Variants in DRAM2 observed in about 807,000 individuals in gnomAD.
The protein encoded by DRAM2 is DNA damage-regulated autophagy modulator protein 2.
DRAM2 carries 26 observed loss-of-function variants against 33.5 expected under a neutral mutation model. The observed-to-expected ratio is 0.78, with a 90% confidence interval of 0.57 to 1.08. DRAM2 has a LOEUF of 1.08. Among genes scored for constraint, DRAM2 ranks in the 50% least tolerant of loss-of-function variants. The probability of loss-of-function intolerance (pLI) is 0.00; values close to 1 mark genes in which losing one functional copy is unlikely to be tolerated. For missense variants in DRAM2, 311 were observed against 318.1 expected (o/e 0.98, Z 0.17); for synonymous variants, 98 against 109.5 (o/e 0.89, Z 0.66).
intron 4 of DRAM2, among the ~76,000 whole-genome samples, chr1:111,127,232 G>C (rs1457657648): frequency 6.6e-6 from 1 of 152,050 alleles, no homozygotes; most frequent in African/African-American, 2.4e-5. Context: ...CTACTACAAA[G>C]ATTAAAAAGA....
At chr1:111,130,436 T>C (rs1409405242) in intron 4 of DRAM2, among the ~76,000 whole-genome samples, 1 of 152,232 alleles carries the variant, frequency 6.6e-6, no homozygotes, top group Non-Finnish European at 1.5e-5. Context: ...CTGGGCACAG[T>C]GGCTCACGCC....
chr1:111,126,354 T>G (rs573251098), intron 4 of DRAM2, 60 bp from the exon 5 acceptor site: 1 of 976,358 alleles, frequency 1.0e-6, no homozygotes, highest in African/African-American at 1.6e-5. Flanking sequence ...ATATATTTCT[T>G]CTAAGGGATA....
At chr1:111,124,008 A>G (rs2101038020) in intron 6 of DRAM2, among the ~76,000 whole-genome samples, 1 of 152,302 alleles carries the variant, frequency 6.6e-6, no homozygotes, top group African/African-American at 2.4e-5. Flanking sequence ...ATTCTTTTAT[A>G]GCACACAAAA....
chr1:111,126,402 T>C (rs949717146), intron 4 of DRAM2, 108 bp from the exon 5 acceptor site: 7 of 651,966 alleles, frequency 1.1e-5, no homozygotes, highest in South Asian at 2.1e-5. Flanking sequence ...TTATCTTTTA[T>C]AAATCCATGA....
chr1:111,130,048 G>T (rs903926167), intron 4 of DRAM2, among the ~76,000 whole-genome samples: 1 of 134,736 alleles, frequency 7.4e-6, no homozygotes, highest in African/African-American at 2.6e-5. Context: ...AAAAAAAGAG[G>T]GTTATTATAG....
At position 111,118,089 on chromosome 1, in the gene DRAM2, T is replaced by G; in HGVS notation, c.*71A>C. 7.0e-7 allele frequency: 1 copy of G among 1,437,690 alleles called. No individual in the cohort carries two copies. Among genetic ancestry groups the G allele is most frequent in the South Asian group, 1.1e-5 (1 of 87,290 alleles). 89.1% of individuals were successfully genotyped at this position (1,437,690 alleles called of 1,614,324 possible). A position where few individuals can be genotyped will look rare whatever the true frequency, so the allele number is the denominator to read the frequency against. ...AGTGGTTGAAAATTTCAGAGAAGAA[T>G]AAGCAACTTCTGTGAACCTTTCCCC... is the stretch of plus-strand genomic sequence containing the variant. On this transcript the variant is annotated 3_prime_UTR_variant, in exon 10 of 10. Coordinates refer to ENST00000484310, the MANE Select transcript of DRAM2 (RefSeq NM_001349884.2).
intron 3 of DRAM2, among the ~76,000 whole-genome samples, chr1:111,134,241 A>T (rs1263734444): frequency 6.6e-6 from 1 of 151,990 alleles, no homozygotes; most frequent in East Asian, 1.9e-4. Flanking sequence ...GAATACTTTT[A>T]AATTAGAATA....
intron 6 of DRAM2, among the ~76,000 whole-genome samples, chr1:111,121,396 C>G (rs899862258): frequency 3.9e-5 from 6 of 152,086 alleles, no homozygotes; most frequent in African/African-American, 1.4e-4. Flanking sequence ...TACCAACACC[C>G]TGATTTCAGA....
rs1649387734 is a variant in DRAM2, at chr1:111,118,670, G to A, written c.693+135C>T. 1.3e-5 allele frequency: 8 copies of A among 609,154 alleles called. No individual in the cohort carries two copies. In the South Asian group the frequency reaches 1.6e-4, roughly 12 times the overall value. The allele number at this position is 609,154 out of a possible 1,614,324, so 37.7% of individuals were successfully genotyped here. A position where few individuals can be genotyped will look rare whatever the true frequency, so the allele number is the denominator to read the frequency against. On this transcript the variant is annotated intron_variant, in intron 9 of 9. Coordinates refer to ENST00000484310, the MANE Select transcript of DRAM2 (RefSeq NM_001349884.2). ...ATTCACCTGAAAAGTTACATCACTT[G>A]TTTATGATACCAAATCACAAACAGT... is the stretch of plus-strand genomic sequence containing the variant.
chr1:111,125,990 A>G (rs1157234748), intron 5 of DRAM2, among the ~76,000 whole-genome samples: 15 of 152,202 alleles, frequency 9.9e-5, no homozygotes, highest in Non-Finnish European at 1.5e-5. Context: ...AACAACTTCC[A>G]TTTGAATGAA....
Position 111,118,259 on chromosome 1 carries a change from A to C in DRAM2, c.702T>G (p.Ser234=), listed in dbSNP as rs1179651088. 1 of 1,610,952 alleles carries C rather than the reference A, an allele frequency of 6.2e-7. No homozygotes were observed. The highest frequency in any genetic ancestry group is 1.7e-4 in the Middle Eastern group (1 of 6,044). The change falls in exon 10 of 10, where the codon TCT becomes TCG. Residue 234 remains serine (S), a synonymous_variant. Transcript: ENST00000484310. The part of the protein sequence containing the change: ...LTYIRDFQKI[S]LRVEANLHGL... ...CATGTAAATTGGCTTCCACCCGTAAAGAAATTTTCTGGAACAGAAAAGAAA... is the reference window on the plus strand; with the variant it reads ...CATGTAAATTGGCTTCCACCCGTAACGAAATTTTCTGGAACAGAAAAGAAA...
At chr1:111,135,778 G>A (rs983854737) in intron 3 of DRAM2, among the ~76,000 whole-genome samples, 2 of 152,160 alleles carry the variant, frequency 1.3e-5, no homozygotes, top group Non-Finnish European at 2.9e-5. Flanking sequence ...GAAAATTGAG[G>A]ACGGTGTCTT....
At chr1:111,135,995 C>G (rs1019855846) in intron 3 of DRAM2, among the ~76,000 whole-genome samples, 1 of 152,132 alleles carries the variant, frequency 6.6e-6, no homozygotes, top group African/African-American at 2.4e-5. Flanking sequence ...CTTAGGTTCT[C>G]TCTTATAAAG....
intron 3 of DRAM2, among the ~76,000 whole-genome samples, chr1:111,133,124 C>T (rs1452671331): frequency 6.6e-6 from 1 of 151,680 alleles, no homozygotes; most frequent in East Asian, 1.9e-4. Context: ...TACCCTTAGT[C>T]TTTGCTCCTT....
rs1013898139 is a variant in DRAM2, at chr1:111,118,083, G to A, written c.*77C>T. ...TGATTAAGTGGTTGAAAATTTCAGAGAAGAATAAGCAACTTCTGTGAACCT... is the reference window on the plus strand; with the variant it reads ...TGATTAAGTGGTTGAAAATTTCAGAAAAGAATAAGCAACTTCTGTGAACCT... On this transcript the variant is annotated 3_prime_UTR_variant, in exon 10 of 10. Coordinates refer to ENST00000484310, the MANE Select transcript of DRAM2 (RefSeq NM_001349884.2). The A allele has an allele frequency of 2.5e-5, 35 of 1,398,884 alleles. No individual in the cohort carries two copies. Among genetic ancestry groups the A allele is most frequent in the Non-Finnish European group, 3.3e-5 (33 of 988,364 alleles). The allele number at this position is 1,398,884 out of a possible 1,614,324, so 86.7% of individuals were successfully genotyped here. A position where few individuals can be genotyped will look rare whatever the true frequency, so the allele number is the denominator to read the frequency against.
At chr1:111,130,865 G>A (rs1426891605) in intron 4 of DRAM2, among the ~76,000 whole-genome samples, 1 of 151,598 alleles carries the variant, frequency 6.6e-6, no homozygotes, top group East Asian at 1.9e-4. Flanking sequence ...AAATCAGCTG[G>A]GCGTAGTGAT....
intron 6 of DRAM2, among the ~76,000 whole-genome samples, 162 bp from the exon 7 acceptor site, chr1:111,120,855 A>G (rs1649918336): frequency 6.6e-6 from 1 of 152,140 alleles, no homozygotes; most frequent in Admixed American, 6.6e-5. Context: ...ATTTTCTCTC[A>G]TAATACTCAG....
chr1:111,130,569 G>A (rs564127268), intron 4 of DRAM2, among the ~76,000 whole-genome samples: 63 of 151,634 alleles, frequency 4.2e-4, no homozygotes, highest in African/African-American at 1.5e-3. Flanking sequence ...GCGTGGTGGT[G>A]TGCGCCTGTA....
intron 8 of DRAM2, 145 bp downstream of exon 8, chr1:111,119,732 C>T: frequency 1.5e-6 from 1 of 669,630 alleles, no homozygotes; most frequent in South Asian, 2.0e-5. Flanking sequence ...ATAAACCCTA[C>T]CATATCAAGA....
Sources: allele counts gnomAD v4.1 joint callset (sites outside exome capture counted in the v4.1 genomes callset), GRCh38; gene constraint gnomAD v4.1.1; transcripts MANE v1.5; gene names NCBI Gene and HGNC (gene_info 2026-07-23, HGNC 2026-07-21).